ABTB2: variants seen among roughly 807,000 people sequenced by gnomAD.
ABTB2 encodes ankyrin repeat and BTB domain containing 2, also known as ankyrin repeat and BTB/POZ domain-containing protein 2.
Under a neutral mutation model 104.1 loss-of-function variants are expected in ABTB2, and 56 were observed. That is an observed-to-expected ratio of 0.54 (90% confidence interval 0.43 to 0.67). The LOEUF is 0.67. ABTB2 is among the 30% of genes least tolerant of loss of function. ABTB2 has a pLI of 0.00. For synonymous variants in ABTB2, 606 were observed against 608.2 expected (o/e 1.00, Z 0.05); for missense variants, 1,279 against 1,407.7 (o/e 0.91, Z 1.46).
chr11:34,216,874 C>T (rs59951064), intron 1 of ABTB2, among the ~76,000 whole-genome samples: 3,679 of 152,304 alleles, frequency 0.024, 158 homozygotes, highest in African/African-American at 0.085. Flanking sequence ...AAACAGGTCC[C>T]GGGCAGAAGC....
chr11:34,343,875 T>C (rs1306330829), intron 1 of ABTB2, among the ~76,000 whole-genome samples: 2 of 152,144 alleles, frequency 1.3e-5, no homozygotes, highest in Non-Finnish European at 2.9e-5. Context: ...GGCAACCCCA[T>C]TTAACAGAAG....
At chr11:34,343,914 A>G (rs1209775352) in intron 1 of ABTB2, among the ~76,000 whole-genome samples, 1 of 152,180 alleles carries the variant, frequency 6.6e-6, no homozygotes, top group African/African-American at 2.4e-5. Flanking sequence ...GACCTCAGCT[A>G]TCTAGCTGGC....
At chr11:34,195,081 GGGGGA>G (rs1853236904) in intron 3 of ABTB2, among the ~76,000 whole-genome samples, 1 of 102,522 alleles carries the variant, frequency 9.8e-6, no homozygotes, top group Non-Finnish European at 2.3e-5. Flanking sequence ...CCGGCGGGGG[GGGGGA>G]GTGGGGGCGG....
chr11:34,232,331 C>T (rs1853779095), intron 1 of ABTB2, among the ~76,000 whole-genome samples: 1 of 151,870 alleles, frequency 6.6e-6, no homozygotes, highest in Non-Finnish European at 1.5e-5. Context: ...ACGCCTGTAG[C>T]GCCAGCTACT....
At chr11:34,174,516 A>C (rs1187926771) in intron 3 of ABTB2, among the ~76,000 whole-genome samples, 1 of 152,170 alleles carries the variant, frequency 6.6e-6, no homozygotes, top group Non-Finnish European at 1.5e-5. Context: ...AGGGGACGCC[A>C]TGTGCACAGC....
Position 34,167,444 on chromosome 11 carries a change from A to T in ABTB2, c.1654-84T>A, listed in dbSNP as rs1852816718. On this transcript the variant is annotated intron_variant, in intron 6 of 16. Coordinates refer to ENST00000435224, the MANE Select transcript of ABTB2 (RefSeq NM_145804.3). ...GCAGGGATGGTGAACCAGAGTTAAC[A>T]AGTGCTTTCTACATTCGATTGATAA... The T allele has an allele frequency of 1.4e-5, 15 of 1,089,738 alleles. No individual in the cohort carries two copies. The South Asian group carries it at 1.9e-4, about 14-fold the overall frequency. The allele number at this position is 1,089,738 out of a possible 1,614,324, so 67.5% of individuals were successfully genotyped here.
intron 1 of ABTB2, among the ~76,000 whole-genome samples, chr11:34,317,422 A>G (rs886588962): frequency 6.6e-6 from 1 of 152,136 alleles, no homozygotes; most frequent in East Asian, 1.9e-4. Flanking sequence ...AGACTGCTCA[A>G]TAAGGGGGCA....
intron 1 of ABTB2, among the ~76,000 whole-genome samples, chr11:34,292,234 G>A (rs182231379): frequency 5.9e-5 from 9 of 152,286 alleles, no homozygotes; most frequent in South Asian, 2.1e-4. Flanking sequence ...AGGAAAAGCC[G>A]CAGTGTTCTC....
At chr11:34,274,521 T>C (rs547318574) in intron 1 of ABTB2, among the ~76,000 whole-genome samples, 3 of 152,114 alleles carry the variant, frequency 2.0e-5, no homozygotes, top group East Asian at 1.9e-4. Context: ...CGTTTTAATA[T>C]GATCTTTGCA....
intron 1 of ABTB2, among the ~76,000 whole-genome samples, chr11:34,306,876 T>G (rs1854781467): frequency 2.0e-5 from 3 of 151,162 alleles, no homozygotes; most frequent in African/African-American, 7.3e-5. Flanking sequence ...TCTGATGAGT[T>G]CAGCACATAG....
chr11:34,263,995 T>G (rs1224973694), intron 1 of ABTB2, among the ~76,000 whole-genome samples: 1 of 151,968 alleles, frequency 6.6e-6, no homozygotes. Context: ...CTTTATGGAG[T>G]CTGACGTTTG....
intron 1 of ABTB2, among the ~76,000 whole-genome samples, chr11:34,312,248 C>G (rs960657981): frequency 6.6e-6 from 1 of 152,138 alleles, no homozygotes; most frequent in African/African-American, 2.4e-5. Context: ...CTCCAGATAC[C>G]CCTAAATGGT....
rs995596136 is a variant in ABTB2 at position 34,223,370 on chromosome 11, C to T, written c.884-18680G>A. Among the ~76,000 whole-genome samples the T allele has an allele frequency of 2.0e-5, 3 of 152,210 alleles. No individual in the cohort carries two copies. In the South Asian group the frequency reaches 6.2e-4, roughly 32 times the overall value. On this transcript the variant is annotated intron_variant, in intron 1 of 16. Coordinates refer to ENST00000435224, the MANE Select transcript of ABTB2 (RefSeq NM_145804.3). Reference sequence around the variant, plus strand: ...ATTGACAGAGAGGAAGTCTGTACCCCAAAATTCTCCGCTCTCCTGCTCCCC... The same window carrying T: ...ATTGACAGAGAGGAAGTCTGTACCCTAAAATTCTCCGCTCTCCTGCTCCCC...
At chr11:34,244,456 A>T (rs1257167000) in intron 1 of ABTB2, among the ~76,000 whole-genome samples, 1 of 152,202 alleles carries the variant, frequency 6.6e-6, no homozygotes. Flanking sequence ...CTAGCACAAA[A>T]TGCAGGACAA....
chr11:34,322,825 C>T (rs764639136), intron 1 of ABTB2, among the ~76,000 whole-genome samples: 1 of 152,036 alleles, frequency 6.6e-6, no homozygotes, highest in Non-Finnish European at 1.5e-5. Context: ...ACCAGAGGTG[C>T]GTACCACCCA....
rs116653510 is a variant in ABTB2 at position 34,210,019 on chromosome 11, G to C, written c.884-5329C>G. On this transcript the variant is annotated intron_variant, in intron 1 of 16. Coordinates refer to ENST00000435224, the MANE Select transcript of ABTB2 (RefSeq NM_145804.3). ...GGGAAACCCAGTTCTCAGAAGACTG[G>C]GAAGCCGCCTTCTTGCCAGTTGCCA... Among the ~76,000 whole-genome samples the C allele has an allele frequency of 5.8e-3, 877 of 152,124 alleles. 6 individuals carry two copies. Among genetic ancestry groups the C allele is most frequent in the African/African-American group, 0.02 (819 of 41,470 alleles).
At chr11:34,289,516 G>A (rs1854542309) in intron 1 of ABTB2, among the ~76,000 whole-genome samples, 1 of 152,176 alleles carries the variant, frequency 6.6e-6, no homozygotes, top group Non-Finnish European at 1.5e-5. Context: ...CAAGCAATTT[G>A]CCTCCTAAAG....
chr11:34,174,582 G>A (rs190477345), intron 3 of ABTB2, among the ~76,000 whole-genome samples: 2 of 152,310 alleles, frequency 1.3e-5, no homozygotes, highest in East Asian at 3.9e-4. Context: ...CTCGGCGAGC[G>A]GCTCAGATTC....
rs57371171 is a variant in ABTB2 at position 34,341,928 on chromosome 11, C to T, written c.883+14773G>A. 2.1e-3 allele frequency among the ~76,000 whole-genome samples: 322 copies of T among 152,298 alleles called. 3 individuals are homozygous for T. Among genetic ancestry groups the T allele is most frequent in the African/African-American group, 7.5e-3 (312 of 41,570 alleles). ...CCTCCCTTTAAGGAAAAAGATTAAA[C>T]GTGTAAAGGGTCCCCCATTAAATTA... is the stretch of plus-strand genomic sequence containing the variant. On this transcript the variant is annotated intron_variant, in intron 1 of 16. Coordinates refer to ENST00000435224, the MANE Select transcript of ABTB2 (RefSeq NM_145804.3).
Sources: allele counts gnomAD v4.1 joint callset (sites outside exome capture counted in the v4.1 genomes callset), GRCh38; gene constraint gnomAD v4.1.1; transcripts MANE v1.5; gene names NCBI Gene and HGNC (gene_info 2026-07-23, HGNC 2026-07-21).